Variants in KIF11 observed in about 807,000 individuals in gnomAD.
KIF11 encodes the protein kinesin-like protein KIF11.
Under a neutral mutation model 121.0 loss-of-function variants are expected in KIF11, and 9 were observed. The observed-to-expected ratio is 0.07, with a 90% CI of 0.04 to 0.13. The LOEUF (loss-of-function observed/expected upper bound fraction) is 0.13. Ranked by LOEUF, KIF11 falls within the 10% of genes least tolerant of loss-of-function variation. The pLI is 1.00. For missense variants in KIF11, 846 were observed against 1,217.5 expected (o/e 0.69, Z 4.54); for synonymous variants, 408 against 421.0 (o/e 0.97, Z 0.38).
intron 1 of KIF11, among the ~76,000 whole-genome samples, chr10:92,605,228 C>A (rs536202129): frequency 1.3e-5 from 2 of 152,194 alleles, no homozygotes; most frequent in African/African-American, 4.8e-5. Context: ...CAGTGTAGAC[C>A]TTCTGTGTCT....
At chr10:92,628,253 T>C (rs1034579276) in intron 10 of KIF11, among the ~76,000 whole-genome samples, 2 of 152,152 alleles carry the variant, frequency 1.3e-5, no homozygotes, top group Non-Finnish European at 2.9e-5. Context: ...TCATGAGGGT[T>C]ATGCGGTGGG....
Position 92,606,676 on chromosome 10 carries a change from C to A in KIF11, c.268C>A (p.Leu90Met). ...DVYRSVVCPI[L>M]DEVIMGYNCT... The stretch of plus-strand genomic sequence containing the variant: ...TTACCGAAGTGTTGTTTGTCCAATT[C>A]TGGATGAAGTTATTATGGGCTATAA... The change falls in exon 3 of 22, where the codon CTG (leucine) becomes ATG (methionine). Residue 90 changes from leucine (L) to methionine (M), a missense_variant. Around this residue, in one of 5 missense-constraint regions of KIF11, gnomAD observed 140 missense variants for 193.5 expected, o/e 0.72. Coordinates refer to ENST00000260731, the MANE Select transcript of KIF11 (RefSeq NM_004523.4). 1 of 1,589,948 alleles carries A rather than the reference C, an allele frequency of 6.3e-7. No homozygotes were observed. The highest frequency in any genetic ancestry group is 8.6e-7 in the Non-Finnish European group (1 of 1,159,024).
rs1232088664 is a variant in KIF11 at position 92,654,301 on chromosome 10, T to G, written c.*505T>G. The G allele has an allele frequency of 6.6e-6, 1 of 152,434 alleles. No individual in the cohort carries two copies. The highest frequency in any genetic ancestry group is 1.5e-5 in the Non-Finnish European group (1 of 68,162). The allele number at this position is 152,434 out of a possible 1,614,324, so 9.4% of individuals were successfully genotyped here. ...ATTGGGTTTCATTTGGGATTTGCAA[T>G]GTAAATACGTATTTCTAGTTTTCAT... On this transcript the variant is annotated 3_prime_UTR_variant, in exon 22 of 22. Coordinates refer to ENST00000260731, the MANE Select transcript of KIF11 (RefSeq NM_004523.4).
chr10:92,623,291 A>G (rs1844637852), intron 10 of KIF11, among the ~76,000 whole-genome samples: 1 of 152,136 alleles, frequency 6.6e-6, no homozygotes, highest in Non-Finnish European at 1.5e-5. Flanking sequence ...CCCTGGAGTA[A>G]TTTGTTCAAA....
chr10:92,604,248 A>G (rs1844406892), intron 1 of KIF11, among the ~76,000 whole-genome samples: 1 of 152,208 alleles, frequency 6.6e-6, no homozygotes, highest in Non-Finnish European at 1.5e-5. Flanking sequence ...GAGAATTTTG[A>G]TAACTTTGAG....
chr10:92,596,254 T>C (rs1315466775), intron 1 of KIF11, among the ~76,000 whole-genome samples: 1 of 152,236 alleles, frequency 6.6e-6, no homozygotes, highest in Non-Finnish European at 1.5e-5. Context: ...CTGCCCGCCT[T>C]GGCCTCCCTA....
At position 92,653,869 on chromosome 10, in the gene KIF11, C is replaced by CT; in HGVS notation, c.*75dup. ...AAACCTGAAACCCCAGAACTTGAGCCTTGTGTATAGATTTTAAAAGAATAT... is the reference window on the plus strand; with the variant it reads ...AAACCTGAAACCCCAGAACTTGAGCCTTTGTGTATAGATTTTAAAAGAATAT... On this transcript the variant is annotated 3_prime_UTR_variant, in exon 22 of 22. Transcript: ENST00000260731. The CT allele has an allele frequency of 7.4e-7, 1 of 1,351,974 alleles. No homozygotes were observed. The highest frequency in any genetic ancestry group is 1.0e-6 in the Non-Finnish European group (1 of 972,590). The allele number at this position is 1,351,974 out of a possible 1,614,324, so 83.7% of individuals were successfully genotyped here. A position where few individuals can be genotyped will look rare whatever the true frequency, so the allele number is the denominator to read the frequency against.
intron 10 of KIF11, among the ~76,000 whole-genome samples, chr10:92,628,175 A>G (rs1942647320): frequency 6.6e-6 from 1 of 152,130 alleles, no homozygotes; most frequent in African/African-American, 2.4e-5. Context: ...CATCCCCACA[A>G]TGAAGAATTA....
chr10:92,613,625 C>T lies in KIF11; in HGVS notation c.1032+6C>T. On this transcript the variant is annotated splice_donor_region_variant and intron_variant, in intron 8 of 21. Transcript: ENST00000260731. This position sits in a 1 kb window ranked among gnomAD's most constrained non-coding sequence, Gnocchi z 4.2. The stretch of plus-strand genomic sequence containing the variant: ...CTGCATCTCTCAATCTTGAGGTAAG[C>T]CCTTTGAAAGGAAGCTGCAAGTGTA... The T allele has an allele frequency of 6.2e-7, 1 of 1,601,172 alleles. No individual in the cohort carries two copies. The highest frequency in any genetic ancestry group is 8.5e-7 in the Non-Finnish European group (1 of 1,174,776).
intron 19 of KIF11, 124 bp downstream of exon 19, chr10:92,648,558 A>G: frequency 1.6e-6 from 1 of 607,688 alleles, no homozygotes; most frequent in Non-Finnish European, 2.9e-6. Context: ...TCTCACTGTA[A>G]TCAACTCAAA....
intron 2 of KIF11, 104 bp downstream of exon 2, chr10:92,606,501 T>C: frequency 8.3e-7 from 1 of 1,210,294 alleles, no homozygotes. Context: ...CAGTTGTCTC[T>C]GAATTGTCAG....
intron 19 of KIF11, 22 bp downstream of exon 19, chr10:92,648,456 A>G (rs763201912): frequency 6.1e-6 from 9 of 1,470,000 alleles, no homozygotes; most frequent in Non-Finnish European, 7.4e-6. Context: ...GAGAAATAGA[A>G]TTGTTAAATT....
chr10:92,632,569 C>A lies in KIF11; in HGVS notation c.1578C>A (p.His526Gln), dbSNP rs112145870. Reference sequence around the variant, plus strand: ...ATCGTAAGAAGGCAGTTGACCAACACAATGCAGAAGCTCAGGATATTTTTG... The same window carrying A: ...ATCGTAAGAAGGCAGTTGACCAACAAAATGCAGAAGCTCAGGATATTTTTG... ...KLDRKKAVDQ[H>Q]NAEAQDIFGK... The change falls in exon 13 of 22, where the codon CAC becomes CAA. Residue 526 changes from histidine (H) to glutamine (Q), a missense_variant. Coordinates refer to ENST00000260731, the MANE Select transcript of KIF11 (RefSeq NM_004523.4). The A allele has an allele frequency of 4.4e-4, 707 of 1,613,306 alleles. 4 individuals are homozygous for A. In the African/African-American group the frequency reaches 7.8e-3, roughly 18 times the overall value.
In KIF11 at chr10:92,653,752, G is replaced by GTTA. The variant is rs1262578221; in HGVS notation, c.3128_3130dup (p.Val1043_Thr1044insIle). On this transcript the variant is annotated inframe_insertion, in exon 22 of 22. Transcript: ENST00000260731. ...AGTGGAAGAAACTACAGAGCACTTG[G>GTTA]TTACAAAGAGCAGATTACCTCTGCG... 2 of 1,613,962 alleles carry GTTA rather than the reference G, an allele frequency of 1.2e-6. No individual in the cohort carries two copies. Among genetic ancestry groups the GTTA allele is most frequent in the South Asian group, 1.1e-5 (1 of 91,072 alleles).
Position 92,630,350 on chromosome 10 carries a change from G to A in KIF11, c.1480G>A (p.Asp494Asn), listed in dbSNP as rs1844723696. Reference sequence around the variant, plus strand: ...GGAAAGTACTGAGGAGAAACTTCATGATGCTGCCAGCAAGGTTTGTCCCTT... The same window carrying A: ...GGAAAGTACTGAGGAGAAACTTCATAATGCTGCCAGCAAGGTTTGTCCCTT... ...ALESTEEKLH[D>N]AASKLLNTVE... The change falls in exon 12 of 22, where the codon GAT becomes AAT. Residue 494 changes from aspartate (D) to asparagine (N), a missense_variant. By Grantham distance (23) the Asp-to-Asn change is conservative. This residue lies in a region of KIF11 where 95 missense variants were observed against 109.3 expected (regional missense o/e 0.87). Transcript: ENST00000260731. 2 of 1,574,090 alleles carry A rather than the reference G, an allele frequency of 1.3e-6. No homozygotes were observed. The highest frequency in any genetic ancestry group is 2.3e-5 in the East Asian group (1 of 44,100).
chr10:92,607,285 T>C (rs974220990), intron 4 of KIF11, 48 bp downstream of exon 4: 16 of 1,184,808 alleles, frequency 1.4e-5, no homozygotes, highest in Middle Eastern at 5.5e-4. Flanking sequence ...GACTGAAATT[T>C]AACTGTATAA....
At position 92,609,299 on chromosome 10, in the gene KIF11, AGAGAGT is replaced by A. The variant is rs1296892090; in HGVS notation, c.574-84_574-79del. The stretch of plus-strand genomic sequence containing the variant: ...GAGAGAGAGAGAGAGAGAGAGAGAG[AGAGAGT>A]GTGTGTGTGTGTGTGTGTGTGTGTG... On this transcript the variant is annotated intron_variant, in intron 5 of 21. Transcript: ENST00000260731. 3.5e-4 allele frequency: 248 copies of A among 714,960 alleles called. No individual in the cohort carries two copies. The East Asian group carries it at 5.1e-3, about 15-fold the overall frequency. 44.3% of individuals were successfully genotyped at this position (714,960 alleles called of 1,614,324 possible). A position where few individuals can be genotyped will look rare whatever the true frequency, so the allele number is the denominator to read the frequency against.
At position 92,650,463 on chromosome 10, in the gene KIF11, A is replaced by T; in HGVS notation, c.2985A>T (p.Pro995=). ...QYTEEPLSQE[P]SVDAGVDCSS... is the part of the protein sequence containing the mutation. ...CTGAAGAACCTCTAAGTCAAGAGCC[A>T]TCTGTAGATGCTGGTGTGGATTGTT... The change falls in exon 21 of 22, where the codon CCA becomes CCT. Residue 995 remains proline, a synonymous_variant. Coordinates refer to ENST00000260731, the MANE Select transcript of KIF11 (RefSeq NM_004523.4). 1.2e-6 allele frequency: 2 copies of T among 1,613,910 alleles called. No individual in the cohort carries two copies. Among genetic ancestry groups the T allele is most frequent in the African/African-American group, 1.3e-5 (1 of 75,068 alleles).
chr10:92,620,966 A>T (rs969256327), intron 9 of KIF11, among the ~76,000 whole-genome samples: 1 of 152,222 alleles, frequency 6.6e-6, no homozygotes, highest in Non-Finnish European at 1.5e-5. Context: ...CAAGTGGCTT[A>T]CTGAGTCCTT....
Sources: allele counts gnomAD v4.1 joint callset (sites outside exome capture counted in the v4.1 genomes callset), GRCh38; gene constraint gnomAD v4.1.1; regional missense constraint gnomAD v4.1.1; non-coding constraint Gnocchi (gnomAD v3.1); transcripts MANE v1.5; gene names NCBI Gene and HGNC (gene_info 2026-07-23, HGNC 2026-07-21).